DIDO1: variants seen among roughly 807,000 people sequenced by gnomAD.
DIDO1 encodes the protein death inducer-obliterator 1.
A neutral mutation model predicts 99.4 loss-of-function variants in DIDO1; 16 were observed. The ratio of observed to expected loss-of-function variants is 0.16; its 90% CI spans 0.11 to 0.24. The LOEUF (loss-of-function observed/expected upper bound fraction) is 0.24, where lower values mean the gene tolerates loss of function less well. Among genes scored for constraint, DIDO1 ranks in the 10% least tolerant of loss-of-function variants. The probability of loss-of-function intolerance (pLI) is 1.00; values close to 1 mark genes in which losing one functional copy is unlikely to be tolerated. For missense variants in DIDO1, 2,996 were observed against 3,014.0 expected (o/e 0.99, Z 0.14); for synonymous variants, 1,366 against 1,239.1 (o/e 1.10, Z -2.15).
chr20:62,917,504 C>A (rs555352227), intron 1 of DIDO1, among the ~76,000 whole-genome samples: 10 of 152,160 alleles, frequency 6.6e-5, no homozygotes, highest in African/African-American at 2.2e-4. Context: ...TTGGACAAAA[C>A]GCCTGCCACA....
chr20:62,933,032 A>G (rs2065346555), intron 1 of DIDO1, among the ~76,000 whole-genome samples: 1 of 152,148 alleles, frequency 6.6e-6, no homozygotes, highest in South Asian at 2.1e-4. Context: ...GACCAACATG[A>G]AGAAACCCCA....
chr20:62,888,385 C>T (rs1311655907), intron 15 of DIDO1: 37 of 985,400 alleles, frequency 3.8e-5, no homozygotes, highest in Non-Finnish European at 4.5e-5. Flanking sequence ...CAGCTCAAGG[C>T]TGGGGCGCCA....
chr20:62,889,933 G>A, intron 15 of DIDO1: 9 of 985,464 alleles, frequency 9.1e-6, no homozygotes, highest in Non-Finnish European at 1.1e-5. Context: ...CTCCAGCTGT[G>A]AAGAATGGGC....
At chr20:62,893,591 A>C in intron 12 of DIDO1, 75 bp downstream of exon 12, 1 of 1,461,780 alleles carries the variant, frequency 6.8e-7, no homozygotes, top group Non-Finnish European at 9.2e-7. Flanking sequence ...TCAACTATTT[A>C]ATCACCAGTT....
chr20:62,932,669 G>A (rs1410457815), intron 1 of DIDO1, among the ~76,000 whole-genome samples: 1 of 152,138 alleles, frequency 6.6e-6, no homozygotes, highest in African/African-American at 2.4e-5. Context: ...CAGTATGCTA[G>A]ATACGGTTTG....
chr20:62,893,307 G>A (rs577175862), intron 12 of DIDO1, among the ~76,000 whole-genome samples: 1 of 152,328 alleles, frequency 6.6e-6, no homozygotes, highest in South Asian at 2.1e-4. Context: ...CCGGCTTCAA[G>A]AGTACAAAGA....
Position 62,880,128 on chromosome 20 carries a change from T to C in DIDO1, c.5828A>G (p.Asn1943Ser). 4 of 1,612,482 alleles carry C rather than the reference T, an allele frequency of 2.5e-6. No individual in the cohort carries two copies. The highest frequency in any genetic ancestry group is 2.5e-6 in the Non-Finnish European group (3 of 1,179,932). The change falls in exon 16 of 16, where the codon AAC becomes AGC. Residue 1943 changes from asparagine to serine, a missense_variant. By Grantham distance (46) the Asn-to-Ser change is conservative. Around this residue, in one of 5 missense-constraint regions of DIDO1, gnomAD observed 1,562 missense variants for 1,412.6 expected, o/e 1.11. Transcript: ENST00000395343. ...TTGGCCTCTGGGTCCTTCAAACTGG[T>C]TGGGATGAGGGCCCCGGGCAGTTTC... ...QFETARGPHPNQFEGPRGQAP... is the reference protein window; with the variant it reads ...QFETARGPHPSQFEGPRGQAP...
At chr20:62,922,231 CAT>C (rs750496107) in intron 1 of DIDO1, among the ~76,000 whole-genome samples, 2,585 of 92,004 alleles carry the variant, frequency 0.028, 68 homozygotes, top group African/African-American at 0.099. Context: ...CACACACACA[CAT>C]ATATATATAT....
intron 1 of DIDO1, among the ~76,000 whole-genome samples, chr20:62,923,892 TTAAG>T (rs1412649307): frequency 6.6e-6 from 1 of 152,236 alleles, no homozygotes; most frequent in East Asian, 1.9e-4. Context: ...CAACCGCCTA[TTAAG>T]TTTTATGGAC....
At chr20:62,909,639 G>A in intron 4 of DIDO1, 60 bp downstream of exon 4, 1 of 1,581,762 alleles carries the variant, frequency 6.3e-7, no homozygotes, top group Non-Finnish European at 8.6e-7. Context: ...TCTATCTAGA[G>A]CGAGACTGAA....
chr20:62,911,636 A>G lies in DIDO1; in HGVS notation c.-2-22T>C, dbSNP rs756727491. ...ATACCTAGCGGTAAAGTGTAAGCAC[A>G]TAGTGACCAACTGACCACAGAACAA... On this transcript the variant is annotated intron_variant, in intron 2 of 15. Coordinates refer to ENST00000395343, the MANE Select transcript of DIDO1 (RefSeq NM_001193369.2). The surrounding 1 kb of genome is among the most constrained non-coding windows in gnomAD (Gnocchi z 7.0). 2 of 1,520,144 alleles carry G rather than the reference A, an allele frequency of 1.3e-6. No individual in the cohort carries two copies. The highest frequency in any genetic ancestry group is 8.8e-7 in the Non-Finnish European group (1 of 1,132,012). The allele number at this position is 1,520,144 out of a possible 1,614,324, so 94.2% of individuals were successfully genotyped here.
In DIDO1 at chr20:62,895,034, C is replaced by G; in HGVS notation, c.2331+15G>C. 6.3e-7 allele frequency: 1 copy of G among 1,599,764 alleles called. No homozygotes were observed. The highest frequency in any genetic ancestry group is 8.6e-7 in the Non-Finnish European group (1 of 1,167,566). On this transcript the variant is annotated intron_variant, in intron 9 of 15. Coordinates refer to ENST00000395343, the MANE Select transcript of DIDO1 (RefSeq NM_001193369.2). The stretch of plus-strand genomic sequence containing the variant: ...CGAGTCCTGGGTGCCTCCGCAGGTA[C>G]CCCTCAGCACTCACAGATCTCGCTG...
At chr20:62,891,267 G>A in intron 14 of DIDO1, 112 bp from the exon 15 acceptor site, 1 of 1,505,450 alleles carries the variant, frequency 6.6e-7, no homozygotes, top group Non-Finnish European at 8.9e-7. Flanking sequence ...CCGACTCACA[G>A]CCACGATCTC....
In DIDO1 at chr20:62,906,061, G is replaced by T. The variant is rs756348196; in HGVS notation, c.1414C>A (p.Pro472Thr). ...TTCACTGTGGTCTCTTTTTTTTCTG[G>T]AGCTGGTCTCTTGTGCACAGAAGAG... ...KISSVHKRPA[P>T]EKKETTVKKA... Residue 472 changes from proline to threonine, a missense_variant, in exon 6 of 16, where the codon CCA (proline) becomes ACA (threonine). This residue lies in a region of DIDO1 where 898 missense variants were observed against 972.7 expected (regional missense o/e 0.92). Transcript: ENST00000395343. 1 of 1,613,378 alleles carries T rather than the reference G, an allele frequency of 6.2e-7. No homozygotes were observed. Among genetic ancestry groups the T allele is most frequent in the Non-Finnish European group, 8.5e-7 (1 of 1,179,970 alleles).
chr20:62,910,118 G>T, intron 3 of DIDO1, 98 bp from the exon 4 acceptor site: 1 of 1,288,050 alleles, frequency 7.8e-7, no homozygotes. Context: ...ATGAAAAAAT[G>T]CAAATATACA....
chr20:62,922,100 CTATA>C (rs1555851690), intron 1 of DIDO1, among the ~76,000 whole-genome samples: 5 of 69,540 alleles, frequency 7.2e-5, no homozygotes, highest in Non-Finnish European at 1.2e-4. Context: ...TATATACACA[CTATA>C]TATATACACA....
At chr20:62,891,344 C>G (rs993642518) in intron 14 of DIDO1, among the ~76,000 whole-genome samples, 189 bp from the exon 15 acceptor site, 2 of 152,162 alleles carry the variant, frequency 1.3e-5, no homozygotes, top group Non-Finnish European at 2.9e-5. Flanking sequence ...GGAGCCGAGC[C>G]GGCTCTTCCT....
chr20:62,923,514 G>A (rs2065195325), intron 1 of DIDO1, among the ~76,000 whole-genome samples: 3 of 152,210 alleles, frequency 2.0e-5, no homozygotes, highest in South Asian at 2.1e-4. Context: ...ATGCACAGCC[G>A]TGAGAAAAAC....
chr20:62,918,254 G>A (rs2147542394), intron 1 of DIDO1, among the ~76,000 whole-genome samples: 1 of 152,342 alleles, frequency 6.6e-6, no homozygotes, highest in South Asian at 2.1e-4. Flanking sequence ...AAATCTGTAT[G>A]CTCAACTTTT....
Sources: gnomAD v4.1 joint callset for allele counts (sites outside exome capture counted in the v4.1 genomes callset) on GRCh38, gnomAD v4.1.1 for gene constraint, gnomAD v4.1.1 regional missense constraint, Gnocchi (gnomAD v3.1) non-coding constraint, MANE v1.5 for transcripts, NCBI Gene and HGNC (gene_info 2026-07-23, HGNC 2026-07-21) for gene names.